SCN10A: variants seen among roughly 807,000 people sequenced by gnomAD.
The protein encoded by SCN10A is sodium voltage-gated channel alpha subunit 10.
SCN10A carries 162 observed loss-of-function variants against 170.7 expected under a neutral mutation model. The ratio of observed to expected loss-of-function variants is 0.95; its 90% CI spans 0.84 to 1.08. The LOEUF is 1.08. SCN10A is among the 50% of genes least tolerant of loss of function. The pLI, the probability that SCN10A is intolerant of heterozygous loss-of-function variation, is 0.00. For synonymous variants in SCN10A, 985 were observed against 904.6 expected, an observed-to-expected ratio of 1.09 and a Z score of -1.59; for missense variants, 2,527 against 2,436.9, an observed-to-expected ratio of 1.04 and a Z score of -0.78.
chr3:38,749,763 A>C (rs1336622218), intron 13 of SCN10A, among the ~76,000 whole-genome samples: 1 of 152,244 alleles, frequency 6.6e-6, no homozygotes, highest in Non-Finnish European at 1.5e-5. Flanking sequence ...AGCTGGCCTG[A>C]AATTCTCTGA....
At chr3:38,737,810 T>TTC (rs2063584324) in intron 15 of SCN10A, among the ~76,000 whole-genome samples, 1 of 120,026 alleles carries the variant, frequency 8.3e-6, no homozygotes, top group Non-Finnish European at 1.6e-5. Context: ...CTTTCTTTCT[T>TTC]TCTTTCTTTC....
rs760811102 is a variant in SCN10A, at chr3:38,718,816, T to A, written c.3518A>T (p.Asp1173Val). The A allele has an allele frequency of 1.2e-6, 2 of 1,613,886 alleles. No individual in the cohort carries two copies. The highest frequency in any genetic ancestry group is 1.7e-6 in the Non-Finnish European group (2 of 1,179,978). The change falls in exon 21 of 28, where the codon GAC becomes GTC. Residue 1173 changes from aspartate to valine, a missense_variant. Physicochemically the swap from Asp to Val is radical, Grantham distance 152 (BLOSUM62 -3). Coordinates refer to ENST00000449082, the MANE Select transcript of SCN10A (RefSeq NM_006514.4). ...LLSSGSLAFEDYYLDQKPTVK... is the reference protein window; with the variant it reads ...LLSSGSLAFEVYYLDQKPTVK... ...CGTGGGCTTCTGGTCCAGGTAATAG[T>A]CTTCAAAGGCCTGGAAGGAAGAAAG...
At chr3:38,720,695 G>T (rs187137475) in intron 20 of SCN10A, among the ~76,000 whole-genome samples, 113 of 152,228 alleles carry the variant, frequency 7.4e-4, no homozygotes, top group African/African-American at 2.6e-3. Flanking sequence ...CTGGGAATGT[G>T]GGGGGTGGAC....
intron 27 of SCN10A, 22 bp downstream of exon 27, chr3:38,701,817 C>A: frequency 6.3e-7 from 1 of 1,578,336 alleles, no homozygotes; most frequent in South Asian, 1.2e-5. Context: ...GGGGCTTCCC[C>A]ACCACGTGGC....
chr3:38,763,187 C>T (rs1277619562), intron 6 of SCN10A, among the ~76,000 whole-genome samples: 1 of 152,170 alleles, frequency 6.6e-6, no homozygotes, highest in Non-Finnish European at 1.5e-5. Flanking sequence ...AAAAATTCAA[C>T]TGAGGGGTCT....
At chr3:38,711,085 C>T (rs1011423202) in intron 23 of SCN10A, among the ~76,000 whole-genome samples, 188 bp from the exon 24 acceptor site, 5 of 152,222 alleles carry the variant, frequency 3.3e-5, no homozygotes, top group African/African-American at 1.2e-4. Flanking sequence ...AGTAATCCCA[C>T]ATGTGGCTGT....
At chr3:38,763,667 A>G (rs2063901158) in intron 5 of SCN10A, 71 bp from the exon 6 acceptor site, 1 of 1,122,932 alleles carries the variant, frequency 8.9e-7, no homozygotes, top group Admixed American at 1.7e-5. Context: ...ATAAATAAGG[A>G]TAACCTGGGG....
chr3:38,722,791 G>A (rs2063408353), intron 19 of SCN10A, among the ~76,000 whole-genome samples: 1 of 152,206 alleles, frequency 6.6e-6, no homozygotes, highest in South Asian at 2.1e-4. Flanking sequence ...CGACGTGGCT[G>A]GGATGGGGAT....
chr3:38,726,645 A>T lies in SCN10A; in HGVS notation c.3048T>A (p.Asp1016Glu). The change falls in exon 17 of 28, where the codon GAT becomes GAA. Residue 1016 changes from aspartate (D) to glutamate (E), a missense_variant. Coordinates refer to ENST00000449082, the MANE Select transcript of SCN10A (RefSeq NM_006514.4). ...TCACTTCCTGCTGGAAGCTCTGAGCATCTTCCCCACCATCATCCTCCAAGT... is the reference window on the plus strand; with the variant it reads ...TCACTTCCTGCTGGAAGCTCTGAGCTTCTTCCCCACCATCATCCTCCAAGT... ...LDDLEDDGGE[D>E]AQSFQQEVIP... 2 of 1,601,820 alleles carry T rather than the reference A, an allele frequency of 1.2e-6. No individual in the cohort carries two copies. The highest frequency in any genetic ancestry group is 1.7e-6 in the Non-Finnish European group (2 of 1,170,334).
intron 2 of SCN10A, among the ~76,000 whole-genome samples, chr3:38,792,632 G>T (rs1291037420): frequency 6.6e-6 from 1 of 152,188 alleles, no homozygotes; most frequent in Non-Finnish European, 1.5e-5. Flanking sequence ...GATTTAGGAG[G>T]ATATGAACTC....
intron 5 of SCN10A, among the ~76,000 whole-genome samples, chr3:38,763,808 T>A (rs1402021813): frequency 6.6e-6 from 1 of 152,264 alleles, no homozygotes; most frequent in East Asian, 1.9e-4. Flanking sequence ...AGATGCATTG[T>A]GATCTAGGCA....
At chr3:38,756,572 T>C in intron 10 of SCN10A, 102 bp downstream of exon 10, 1 of 902,612 alleles carries the variant, frequency 1.1e-6, no homozygotes, top group Non-Finnish European at 1.8e-6. Flanking sequence ...ATTCCTCCTA[T>C]AGCTCCCTAA....
At chr3:38,737,624 A>T (rs1307894559) in intron 15 of SCN10A, among the ~76,000 whole-genome samples, 2 of 152,084 alleles carry the variant, frequency 1.3e-5, no homozygotes, top group African/African-American at 4.8e-5. Flanking sequence ...GTTTTTAAAA[A>T]CTGGATTAGT....
At chr3:38,703,604 C>T (rs755515271) in intron 26 of SCN10A, among the ~76,000 whole-genome samples, 1 of 152,206 alleles carries the variant, frequency 6.6e-6, no homozygotes, top group Non-Finnish European at 1.5e-5. Context: ...TACCCTTCTA[C>T]CTTGAAATGT....
At chr3:38,713,760 C>T (rs1354840831) in intron 22 of SCN10A, among the ~76,000 whole-genome samples, 198 bp downstream of exon 22, 2 of 152,020 alleles carry the variant, frequency 1.3e-5, no homozygotes, top group Non-Finnish European at 2.9e-5. Flanking sequence ...GGCACAATCT[C>T]GGCTCACTAC....
intron 4 of SCN10A, among the ~76,000 whole-genome samples, chr3:38,774,458 T>A (rs891704702): frequency 5.9e-5 from 9 of 152,196 alleles, no homozygotes; most frequent in African/African-American, 1.7e-4. Context: ...TTCTTGATGT[T>A]GGGTTGCAGC....
chr3:38,779,397 C>G (rs77498602), intron 4 of SCN10A, among the ~76,000 whole-genome samples: 1 of 151,920 alleles, frequency 6.6e-6, no homozygotes, highest in Non-Finnish European at 1.5e-5. Flanking sequence ...ATGAGACATC[C>G]TTTAATTCAT....
In SCN10A at chr3:38,763,666, G is replaced by A. The variant is rs78916443; in HGVS notation, c.600-70C>T. The stretch of plus-strand genomic sequence containing the variant: ...TGGGGATGCATGCAGCATAAATAAG[G>A]ATAACCTGGGGTATCATTAGCCTAG... On this transcript the variant is annotated intron_variant, in intron 5 of 27. Transcript: ENST00000449082. The A allele has an allele frequency of 9.9e-3, 11,061 of 1,120,330 alleles. 69 individuals are homozygous for A. Among genetic ancestry groups the A allele is most frequent in the Middle Eastern group, 0.014 (67 of 4,714 alleles). The allele number at this position is 1,120,330 out of a possible 1,614,324, so 69.4% of individuals were successfully genotyped here. A position where few individuals can be genotyped will look rare whatever the true frequency, so the allele number is the denominator to read the frequency against.
intron 20 of SCN10A, among the ~76,000 whole-genome samples, chr3:38,720,639 A>AG (rs1293921821): frequency 6.8e-6 from 1 of 147,044 alleles, no homozygotes; most frequent in Non-Finnish European, 1.5e-5. Flanking sequence ...GGAGAGCTGC[A>AG]GGGGGCGGGC....
Sources: allele counts gnomAD v4.1 joint callset (sites outside exome capture counted in the v4.1 genomes callset), GRCh38; gene constraint gnomAD v4.1.1; transcripts MANE v1.5; gene names NCBI Gene and HGNC (gene_info 2026-07-23, HGNC 2026-07-21).